DOK6: variants seen among roughly 807,000 people sequenced by gnomAD.
DOK6 encodes the protein downstream of tyrosine kinase 6.
In DOK6, 22 loss-of-function variants were observed where a neutral mutation model predicts 44.0. The ratio of observed to expected loss-of-function variants is 0.50; its 90% CI spans 0.36 to 0.71. DOK6 has a LOEUF of 0.71. Ranked by LOEUF, DOK6 falls within the 30% of genes least tolerant of loss-of-function variation. The pLI is 0.00. For synonymous variants in DOK6, 166 were observed against 145.5 expected (o/e 1.14, Z -1.01); for missense variants, 340 against 416.4 (o/e 0.82, Z 1.60).
intron 1 of DOK6, among the ~76,000 whole-genome samples, chr18:69,545,333 CA>C (rs1270489573): frequency 6.7e-6 from 1 of 150,198 alleles, no homozygotes; most frequent in Non-Finnish European, 1.5e-5. Context: ...GTGTACTCTA[CA>C]ACTAGTTTTC....
intron 3 of DOK6, among the ~76,000 whole-genome samples, chr18:69,634,066 CAA>C (rs566093310): frequency 4.3e-5 from 6 of 139,592 alleles, no homozygotes; most frequent in Non-Finnish European, 4.7e-5. Flanking sequence ...TCTCCCAAAT[CAA>C]AAAAAAAAAA....
chr18:69,449,793 G>A (rs974490240), intron 1 of DOK6, among the ~76,000 whole-genome samples: 1 of 151,340 alleles, frequency 6.6e-6, no homozygotes, highest in Non-Finnish European at 1.5e-5. Context: ...CCCCCCAGCA[G>A]GGGCACACTG....
intron 1 of DOK6, among the ~76,000 whole-genome samples, chr18:69,443,922 T>A (rs1979205775): frequency 6.8e-6 from 1 of 147,196 alleles, no homozygotes; most frequent in Non-Finnish European, 1.5e-5. Flanking sequence ...ACTCTATGCT[T>A]GTACTTACCA....
In DOK6 at chr18:69,786,067, C is replaced by T. The variant is rs139424602; in HGVS notation, c.856+28194C>T. On this transcript the variant is annotated intron_variant, in intron 7 of 7. Coordinates refer to ENST00000382713, the MANE Select transcript of DOK6 (RefSeq NM_152721.6). Reference sequence around the variant, plus strand: ...ATCAATTGTGCTTTCCTGTTGTATGCGTTTGATATTTAAAATGCTCTTATG... The same window carrying T: ...ATCAATTGTGCTTTCCTGTTGTATGTGTTTGATATTTAAAATGCTCTTATG... 8.9e-3 allele frequency among the ~76,000 whole-genome samples: 1,349 copies of T among 152,042 alleles called. 7 individuals are homozygous for T. Among genetic ancestry groups the T allele is most frequent in the Non-Finnish European group, 0.012 (840 of 67,948 alleles).
At position 69,548,752 on chromosome 18, in the gene DOK6, G is replaced by A. The variant is rs1403584018; in HGVS notation, c.67-15735G>A. 2.0e-5 allele frequency among the ~76,000 whole-genome samples: 3 copies of A among 151,464 alleles called. No homozygotes were observed. The East Asian group carries it at 5.8e-4, about 29-fold the overall frequency. ...AATTTGATTTTATTTATGACCTTAA[G>A]CATTTTGTTTAAGAATTTTTAATTG... On this transcript the variant is annotated intron_variant, in intron 1 of 7. Coordinates refer to ENST00000382713, the MANE Select transcript of DOK6 (RefSeq NM_152721.6).
At chr18:69,472,698 A>C (rs1164393253) in intron 1 of DOK6, among the ~76,000 whole-genome samples, 2 of 152,166 alleles carry the variant, frequency 1.3e-5, no homozygotes, top group African/African-American at 4.8e-5. Flanking sequence ...ACATGCATAC[A>C]TACGTATACA....
chr18:69,551,263 T>G (rs1444980361), intron 1 of DOK6, among the ~76,000 whole-genome samples: 1 of 152,214 alleles, frequency 6.6e-6, no homozygotes, highest in Non-Finnish European at 1.5e-5. Flanking sequence ...GTGTAACATT[T>G]CAAGTACTTT....
chr18:69,698,551 G>A lies in DOK6; in HGVS notation c.557G>A (p.Arg186Lys). The A allele has an allele frequency of 6.2e-7, 1 of 1,614,042 alleles. No homozygotes were observed. The highest frequency in any genetic ancestry group is 8.5e-7 in the Non-Finnish European group (1 of 1,179,960). The change falls in exon 5 of 8, where the codon AGA becomes AAA. Residue 186 changes from arginine to lysine, a missense_variant. This residue lies in a region of DOK6 where 206 missense variants were observed against 258.6 expected (regional missense o/e 0.80). Coordinates refer to ENST00000382713, the MANE Select transcript of DOK6 (RefSeq NM_152721.6). ...LVMWPLSSLRRYGRDSTWFTF... is the reference protein window; with the variant it reads ...LVMWPLSSLRKYGRDSTWFTF... Reference sequence around the variant, plus strand: ...ATGTGGCCTCTCAGCTCACTGAGGAGATACGGTCGGGACTCAACGTGGTTC... The same window carrying A: ...ATGTGGCCTCTCAGCTCACTGAGGAAATACGGTCGGGACTCAACGTGGTTC...
At chr18:69,794,299 C>T (rs957998807) in intron 7 of DOK6, among the ~76,000 whole-genome samples, 3 of 152,134 alleles carry the variant, frequency 2.0e-5, no homozygotes, top group Admixed American at 2.0e-4. Context: ...CTGCCTTTTG[C>T]ACTGTTCTAG....
At chr18:69,631,440 G>C (rs1984687926) in intron 3 of DOK6, among the ~76,000 whole-genome samples, 1 of 152,166 alleles carries the variant, frequency 6.6e-6, no homozygotes, top group African/African-American at 2.4e-5. Flanking sequence ...GAATAGCATG[G>C]TAATTCATGG....
At chr18:69,645,143 T>G (rs775743826) in intron 3 of DOK6, among the ~76,000 whole-genome samples, 10 of 152,176 alleles carry the variant, frequency 6.6e-5, no homozygotes, top group Admixed American at 2.0e-4. Flanking sequence ...ATACAATGTG[T>G]GTGTATAATT....
intron 3 of DOK6, among the ~76,000 whole-genome samples, chr18:69,600,154 A>C (rs2144622655): frequency 6.8e-6 from 1 of 146,900 alleles, no homozygotes; most frequent in African/African-American, 2.5e-5. Context: ...GTTAGCAGAA[A>C]GTACCAAGGG....
At chr18:69,501,592 T>C (rs149014521) in intron 1 of DOK6, among the ~76,000 whole-genome samples, 300 of 152,256 alleles carry the variant, frequency 2.0e-3, no homozygotes, top group African/African-American at 6.7e-3. Flanking sequence ...GTTTAGTAGT[T>C]TCCACATTCT....
At chr18:69,423,003 T>A (rs1418822358) in intron 1 of DOK6, among the ~76,000 whole-genome samples, 2 of 152,176 alleles carry the variant, frequency 1.3e-5, no homozygotes, top group African/African-American at 4.8e-5. Context: ...CCTTTAAATT[T>A]TTTAACATAG....
intron 1 of DOK6, among the ~76,000 whole-genome samples, chr18:69,452,123 A>T (rs1890679737): frequency 6.6e-6 from 1 of 152,074 alleles, no homozygotes; most frequent in African/African-American, 2.4e-5. Flanking sequence ...TGAATCCAGG[A>T]GCTGGTTTTT....
chr18:69,614,094 A>G (rs1568311739), intron 3 of DOK6, among the ~76,000 whole-genome samples: 1 of 151,980 alleles, frequency 6.6e-6, no homozygotes, highest in Non-Finnish European at 1.5e-5. Context: ...ATCAAATTCT[A>G]TATCTTTATT....
chr18:69,685,960 T>C (rs1986144125), intron 4 of DOK6, among the ~76,000 whole-genome samples: 2 of 152,172 alleles, frequency 1.3e-5, no homozygotes, highest in South Asian at 4.1e-4. Flanking sequence ...ACGCAAAATG[T>C]ATATGTTGAA....
intron 2 of DOK6, among the ~76,000 whole-genome samples, chr18:69,592,398 A>T (rs73455881): frequency 0.018 from 2,771 of 151,974 alleles, 90 homozygotes; most frequent in African/African-American, 0.062. Flanking sequence ...TTATTTTCCC[A>T]CTCCAAATCA....
At chr18:69,807,190 A>G (rs1981075171) in intron 7 of DOK6, among the ~76,000 whole-genome samples, 1 of 151,808 alleles carries the variant, frequency 6.6e-6, no homozygotes, top group Admixed American at 6.6e-5. Context: ...TTTTAATGCA[A>G]TCAAAGTTAA....
Sources: gnomAD v4.1 joint callset for allele counts (sites outside exome capture counted in the v4.1 genomes callset) on GRCh38, gnomAD v4.1.1 for gene constraint, gnomAD v4.1.1 regional missense constraint, MANE v1.5 for transcripts, NCBI Gene and HGNC (gene_info 2026-07-23, HGNC 2026-07-21) for gene names.